The following SNRPD3 variants were observed in gnomAD, a reference collection of about 807,000 sequenced individuals.
SNRPD3 encodes the protein small nuclear ribonucleoprotein D3 polypeptide, also known as small nuclear ribonucleoprotein Sm D3.
For missense variants in SNRPD3, 73 were observed against 167.5 expected, an observed-to-expected ratio of 0.44 and a Z score of 3.11; for synonymous variants, 66 against 58.4, an observed-to-expected ratio of 1.13 and a Z score of -0.59.
intron 2 of SNRPD3, among the ~76,000 whole-genome samples, chr22:24,561,083 T>TTTTTTTTTTTTTTTTTTTTTTTC: frequency 7.2e-6 from 1 of 138,412 alleles, no homozygotes. Context: ...TTTTTTTTTT[T>TTTTTTTTTTTTTTTTTTTTTTTC]TTTTTTGAGA....
intron 2 of SNRPD3, among the ~76,000 whole-genome samples, chr22:24,565,980 G>A (rs563940850): frequency 2.0e-5 from 3 of 152,270 alleles, no homozygotes; most frequent in Non-Finnish European, 4.4e-5. Flanking sequence ...TCAGATTCAG[G>A]TGAGCCTGAG....
intron 2 of SNRPD3, among the ~76,000 whole-genome samples, chr22:24,560,718 T>C (rs1396704579): frequency 0.085 from 45 of 530 alleles, 2 homozygotes; most frequent in Non-Finnish European, 0.38. Context: ...ACCTGGCCTT[T>C]TTTTTTTTTT....
intron 1 of SNRPD3, among the ~76,000 whole-genome samples, 197 bp downstream of exon 1, chr22:24,556,268 A>G (rs2045061298): frequency 6.6e-6 from 1 of 152,084 alleles, no homozygotes; most frequent in South Asian, 2.1e-4. Context: ...CATGCTTCTC[A>G]CATTCTGTAT....
At chr22:24,568,830 C>T (rs1182797003) in intron 3 of SNRPD3, among the ~76,000 whole-genome samples, 3 of 152,248 alleles carry the variant, frequency 2.0e-5, no homozygotes, top group East Asian at 1.9e-4. Flanking sequence ...GCTGGGATTA[C>T]AGGCGTGAGC....
At chr22:24,567,936 C>T (rs906664298) in intron 2 of SNRPD3, 48 bp from the exon 3 acceptor site, 5 of 1,474,592 alleles carry the variant, frequency 3.4e-6, no homozygotes, top group African/African-American at 2.8e-5. Flanking sequence ...CCCTCCCCAC[C>T]GCTGGTGCTG....
chr22:24,567,946 G>T, intron 2 of SNRPD3, 38 bp from the exon 3 acceptor site: 1 of 1,534,152 alleles, frequency 6.5e-7, no homozygotes, highest in Non-Finnish European at 8.9e-7. Context: ...CGCTGGTGCT[G>T]TTGACCGTTA....
chr22:24,556,804 CAT>C (rs2045075616), intron 1 of SNRPD3, among the ~76,000 whole-genome samples: 1 of 152,262 alleles, frequency 6.6e-6, no homozygotes. Context: ...CTTTCAACCT[CAT>C]GTTCTCCTGT....
At chr22:24,562,668 C>G (rs986986696) in intron 2 of SNRPD3, among the ~76,000 whole-genome samples, 1 of 152,072 alleles carries the variant, frequency 6.6e-6, no homozygotes, top group Non-Finnish European at 1.5e-5. Flanking sequence ...AAGCTCTGGT[C>G]GCACCACTGC....
At chr22:24,567,877 T>C in intron 2 of SNRPD3, 107 bp from the exon 3 acceptor site, 1 of 800,382 alleles carries the variant, frequency 1.2e-6, no homozygotes, top group Non-Finnish European at 2.0e-6. Context: ...ACCAGCTTTG[T>C]CACAATGTCA....
rs1227534818 is a variant in SNRPD3 at position 24,556,027 on chromosome 22, C to T, written c.-63C>T. 4 of 627,450 alleles carry T rather than the reference C, an allele frequency of 6.4e-6. No homozygotes were observed. The highest frequency in any genetic ancestry group is 3.7e-5 in the African/African-American group (2 of 54,430). The allele number at this position is 627,450 out of a possible 1,614,324, so 38.9% of individuals were successfully genotyped here. On this transcript the variant is annotated 5_prime_UTR_variant, in exon 1 of 4. Coordinates refer to ENST00000215829, the MANE Select transcript of SNRPD3 (RefSeq NM_004175.5). Reference sequence around the variant, plus strand: ...CGCTTGACTCACGCCTTCGCCGTAGCATCTTTCGCAGCGGACCGAAGAGAA... The same window carrying T: ...CGCTTGACTCACGCCTTCGCCGTAGTATCTTTCGCAGCGGACCGAAGAGAA...
upstream of SNRPD3, chr22:24,555,939 G>C: frequency 8.8e-7 from 1 of 1,136,770 alleles, no homozygotes; most frequent in South Asian, 1.5e-5. Context: ...GGAAAGGAAG[G>C]AGGCGGGCCC....
At chr22:24,556,162 C>T (rs1406287169) in intron 1 of SNRPD3, 91 bp downstream of exon 1, 2 of 422,520 alleles carry the variant, frequency 4.7e-6, no homozygotes, top group East Asian at 4.1e-5. Context: ...CTGCGGGGCT[C>T]GGGGAGGGAA....
intron 3 of SNRPD3, among the ~76,000 whole-genome samples, chr22:24,570,954 G>GA (rs1412310607): frequency 1.3e-5 from 2 of 151,528 alleles, no homozygotes. Context: ...AAGTAACTGG[G>GA]ATTACAGGCG....
chr22:24,556,269 C>T (rs1478561972), intron 1 of SNRPD3, among the ~76,000 whole-genome samples, 198 bp downstream of exon 1: 1 of 152,164 alleles, frequency 6.6e-6, no homozygotes, highest in Admixed American at 6.5e-5. Flanking sequence ...ATGCTTCTCA[C>T]ATTCTGTATC....
At position 24,556,000 on chromosome 22, in the gene SNRPD3, T is replaced by G; in HGVS notation, c.-90T>G. 1.5e-6 allele frequency: 1 copy of G among 660,072 alleles called. No homozygotes were observed. The highest frequency in any genetic ancestry group is 1.9e-5 in the South Asian group (1 of 52,440). 40.9% of individuals were successfully genotyped at this position (660,072 alleles called of 1,614,324 possible). A position where few individuals can be genotyped will look rare whatever the true frequency, so the allele number is the denominator to read the frequency against. On this transcript the variant is annotated 5_prime_UTR_variant, in exon 1 of 4. Coordinates refer to ENST00000215829, the MANE Select transcript of SNRPD3 (RefSeq NM_004175.5). ...GGAATTCTGGGTGTTAGGCCCGCCA[T>G]TCGCTTGACTCACGCCTTCGCCGTA...
At position 24,574,420 on chromosome 22, in the gene SNRPD3, C is replaced by A. The variant is rs1309756741; in HGVS notation, c.*2443C>A. Among the ~76,000 whole-genome samples the A allele has an allele frequency of 6.6e-6, 1 of 152,154 alleles. No individual in the cohort carries two copies. Among genetic ancestry groups the A allele is most frequent in the Non-Finnish European group, 1.5e-5 (1 of 68,008 alleles). ...AAGGTTTATTATGAAAAACAGTAGC[C>A]CTCCTACCCTGCCTTTACCCCACTT... On this transcript the variant is annotated 3_prime_UTR_variant, in exon 4 of 4. Transcript: ENST00000215829.
At chr22:24,562,479 G>GGT in intron 2 of SNRPD3, among the ~76,000 whole-genome samples, 1 of 152,094 alleles carries the variant, frequency 6.6e-6, no homozygotes, top group African/African-American at 2.4e-5. Flanking sequence ...AGGAGGCAGA[G>GGT]CTTGCAATGA....
At chr22:24,566,125 G>T (rs998082299) in intron 2 of SNRPD3, among the ~76,000 whole-genome samples, 7 of 152,154 alleles carry the variant, frequency 4.6e-5, no homozygotes, top group Non-Finnish European at 4.4e-5. Context: ...TTAATAACAG[G>T]CTGGGAGTGA....
upstream of SNRPD3, chr22:24,555,737 C>T: frequency 6.4e-7 from 1 of 1,550,670 alleles, no homozygotes; most frequent in Non-Finnish European, 8.7e-7. Context: ...CCAGCCTGTC[C>T]TTGGTGTGGG....
Sources: allele counts gnomAD v4.1 joint callset (sites outside exome capture counted in the v4.1 genomes callset), GRCh38; gene constraint gnomAD v4.1.1; transcripts MANE v1.5; gene names NCBI Gene and HGNC (gene_info 2026-07-23, HGNC 2026-07-21).